The following QTMAN variants were observed in gnomAD, a reference collection of about 807,000 sequenced individuals.
QTMAN encodes the protein queuosine-tRNA mannosyltransferase, also known as tRNA-queuosine alpha-mannosyltransferase.
At chr2:144,237,891 A>G in the QTMAN span, among the ~76,000 whole-genome samples, 3 of 152,204 alleles carry the variant, frequency 2.0e-5, no homozygotes, top group Non-Finnish European at 4.4e-5. Flanking sequence ...CGTTGTGAGG[A>G]CACTCAAGCC....
chr2:144,119,086 G>T, the QTMAN span, among the ~76,000 whole-genome samples: 1 of 152,192 alleles, frequency 6.6e-6, no homozygotes, highest in South Asian at 2.1e-4. Context: ...TAATGTCTGG[G>T]CAAGAGACCA....
chr2:144,091,600 A>C, the QTMAN span, among the ~76,000 whole-genome samples: 1 of 152,146 alleles, frequency 6.6e-6, no homozygotes. Flanking sequence ...AAAGTAATAG[A>C]ACTGCTTTGG....
chr2:144,242,960 T>TAAAAAAAAAAAAAAAAA, the QTMAN span, among the ~76,000 whole-genome samples: 5 of 77,806 alleles, frequency 6.4e-5, no homozygotes, highest in African/African-American at 2.5e-4. Context: ...AGACTCTACT[T>TAAAAAAAAAAAAAAAAA]AAAAAAAAAA....
chr2:143,982,571 A>C, the QTMAN span, among the ~76,000 whole-genome samples: 7 of 151,346 alleles, frequency 4.6e-5, no homozygotes, highest in African/African-American at 1.7e-4. Context: ...AAAAGAATAG[A>C]TAGCAGAGGC....
chr2:144,096,965 T>C, the QTMAN span, among the ~76,000 whole-genome samples: 1 of 152,252 alleles, frequency 6.6e-6, no homozygotes, highest in South Asian at 2.1e-4. Flanking sequence ...AAAATCAGTT[T>C]TGTTCATACA....
At chr2:143,956,006 T>A in the QTMAN span, among the ~76,000 whole-genome samples, 1 of 152,292 alleles carries the variant, frequency 6.6e-6, no homozygotes, top group African/African-American at 2.4e-5. Context: ...CCCTGGTACC[T>A]GGTCCTTTTC....
At chr2:144,318,760 T>C in the QTMAN span, among the ~76,000 whole-genome samples, 3 of 152,344 alleles carry the variant, frequency 2.0e-5, no homozygotes, top group South Asian at 4.1e-4. Context: ...TGATGAACTG[T>C]ATATGCTATA....
the QTMAN span, among the ~76,000 whole-genome samples, chr2:144,059,270 ATACAGTCAACTCC>A: frequency 6.6e-6 from 1 of 152,094 alleles, no homozygotes; most frequent in South Asian, 2.1e-4. Context: ...CCCCTTCTCC[ATACAGTCAACTCC>A]TACACATCCT....
At chr2:143,979,096 G>T in the QTMAN span, among the ~76,000 whole-genome samples, 2 of 151,748 alleles carry the variant, frequency 1.3e-5, no homozygotes, top group African/African-American at 4.8e-5. Context: ...GTTCTAAAGT[G>T]TTCAATCTCA....
the QTMAN span, chr2:143,970,598 T>G: frequency 1.0e-5 from 9 of 902,684 alleles, no homozygotes; most frequent in African/African-American, 1.2e-4. Flanking sequence ...AATACTTACG[T>G]TGTAGAGCTT....
chr2:144,126,021 A>T, the QTMAN span, among the ~76,000 whole-genome samples: 1 of 152,054 alleles, frequency 6.6e-6, no homozygotes, highest in African/African-American at 2.4e-5. Context: ...GGATAAATAC[A>T]ATTTTTAACA....
the QTMAN span, among the ~76,000 whole-genome samples, chr2:144,212,423 T>C: frequency 6.6e-6 from 1 of 151,854 alleles, no homozygotes; most frequent in East Asian, 1.9e-4. Flanking sequence ...GATGACACCA[T>C]TGCACTCCAG....
At chr2:144,192,270 C>T in the QTMAN span, among the ~76,000 whole-genome samples, 1 of 152,148 alleles carries the variant, frequency 6.6e-6, no homozygotes, top group East Asian at 1.9e-4. Flanking sequence ...CCATGCCTGG[C>T]TAATTTTTAT....
the QTMAN span, among the ~76,000 whole-genome samples, chr2:144,173,811 T>C: frequency 1.3e-5 from 2 of 152,180 alleles, no homozygotes; most frequent in African/African-American, 4.8e-5. Context: ...GGCACCAAGC[T>C]ACTCGCATGG....
chr2:144,120,943 G>A, the QTMAN span, among the ~76,000 whole-genome samples: 28 of 152,200 alleles, frequency 1.8e-4, no homozygotes, highest in Non-Finnish European at 3.4e-4. Context: ...AAGGGTAACG[G>A]GATCAGCATC....
the QTMAN span, among the ~76,000 whole-genome samples, chr2:144,276,375 T>G: frequency 6.6e-6 from 1 of 151,614 alleles, no homozygotes; most frequent in African/African-American, 2.4e-5. Flanking sequence ...TTATTTTTAT[T>G]TTTGTAGAGA....
the QTMAN span, among the ~76,000 whole-genome samples, chr2:144,293,236 T>C: frequency 6.6e-6 from 1 of 152,136 alleles, no homozygotes; most frequent in African/African-American, 2.4e-5. Context: ...TAGAGATGCA[T>C]GTAGTATACA....
At chr2:144,156,931 A>C in the QTMAN span, among the ~76,000 whole-genome samples, 1 of 152,108 alleles carries the variant, frequency 6.6e-6, no homozygotes, top group African/African-American at 2.4e-5. Flanking sequence ...AGGTGACTGA[A>C]GAGCAGAAAA....
the QTMAN span, among the ~76,000 whole-genome samples, chr2:144,106,214 C>G: frequency 7.9e-5 from 12 of 152,258 alleles, no homozygotes; most frequent in African/African-American, 2.9e-4. Context: ...GCAAAATCAC[C>G]AGCTAACATC....
Sources: gnomAD v4.1 joint callset for allele counts (sites outside exome capture counted in the v4.1 genomes callset) on GRCh38, gnomAD v4.1.1 for gene constraint, MANE v1.5 for transcripts, NCBI Gene and HGNC (gene_info 2026-07-23, HGNC 2026-07-21) for gene names.